Variants in ADGRG5 observed in about 807,000 individuals in gnomAD.
ADGRG5 encodes the protein adhesion G protein-coupled receptor G5.
In ADGRG5, 37 loss-of-function variants were observed where a neutral mutation model predicts 53.2. That is an observed-to-expected ratio of 0.70 (90% CI 0.53 to 0.91). ADGRG5 has a LOEUF of 0.91. Ranked by LOEUF, ADGRG5 falls within the 40% of genes least tolerant of loss-of-function variation. The probability of loss-of-function intolerance (pLI) is 0.00; values close to 1 mark genes in which losing one functional copy is unlikely to be tolerated. For missense variants in ADGRG5, 614 were observed against 675.8 expected, an observed-to-expected ratio of 0.91 and a Z score of 1.01; for synonymous variants, 277 against 290.4, an observed-to-expected ratio of 0.95 and a Z score of 0.47.
chr16:57,567,529 C>A lies in ADGRG5; in HGVS notation c.759C>A (p.Leu253=), dbSNP rs200800828. The change falls in exon 8 of 12, where the codon CTC becomes CTA. Residue 253 remains leucine, a synonymous_variant. Coordinates refer to ENST00000349457, the MANE Select transcript of ADGRG5 (RefSeq NM_001304376.3). ...TGGCACCTCTTACGTACATCTCCCT[C>A]GTGGGCTGCAGCATCTCCATCGTGG... ...ELLAPLTYIS[L]VGCSISIVAS... is the part of the protein sequence containing the mutation. 2 of 1,611,836 alleles carry A rather than the reference C, an allele frequency of 1.2e-6. No homozygotes were observed. Among genetic ancestry groups the A allele is most frequent in the South Asian group, 2.2e-5 (2 of 91,086 alleles).
chr16:57,553,852 C>T (rs2032809936), intron 1 of ADGRG5, among the ~76,000 whole-genome samples: 1 of 151,982 alleles, frequency 6.6e-6, no homozygotes, highest in Non-Finnish European at 1.5e-5. Context: ...AAGCATTTTC[C>T]CTTCTATTTT....
chr16:57,558,833 T>TA (rs2032937210), intron 1 of ADGRG5, among the ~76,000 whole-genome samples: 1 of 149,610 alleles, frequency 6.7e-6, no homozygotes, highest in Non-Finnish European at 1.5e-5. Flanking sequence ...CAGTGTCCAG[T>TA]GGCTTTTTTT....
chr16:57,541,804 G>T (rs149100400), upstream of ADGRG5, among the ~76,000 whole-genome samples: 1 of 152,328 alleles, frequency 6.6e-6, no homozygotes, highest in Non-Finnish European at 1.5e-5. Flanking sequence ...ACACCTCCTT[G>T]CTTTCCCTTA....
intron 11 of ADGRG5, 93 bp from the exon 12 acceptor site, chr16:57,575,345 G>A (rs2033486412): frequency 8.2e-7 from 1 of 1,223,366 alleles, no homozygotes; most frequent in Non-Finnish European, 1.2e-6. Flanking sequence ...GTTGCCCATG[G>A]GCCCCAGGGA....
intron 1 of ADGRG5, among the ~76,000 whole-genome samples, chr16:57,551,010 G>A (rs1484565848): frequency 4.6e-5 from 7 of 152,136 alleles, no homozygotes; most frequent in African/African-American, 1.7e-4. Context: ...TTCCAGCCTG[G>A]GCAACAGAGC....
At chr16:57,553,822 G>A (rs1407974080) in intron 1 of ADGRG5, among the ~76,000 whole-genome samples, 5 of 152,216 alleles carry the variant, frequency 3.3e-5, no homozygotes, top group African/African-American at 1.2e-4. Flanking sequence ...AGTAATATTA[G>A]CCTCCTAAAA....
chr16:57,573,270 A>G (rs1044081589), intron 10 of ADGRG5, among the ~76,000 whole-genome samples: 2 of 151,956 alleles, frequency 1.3e-5, no homozygotes, highest in African/African-American at 4.8e-5. Context: ...TGTCTTTACT[A>G]AAAATACACA....
intron 6 of ADGRG5, chr16:57,565,571 A>C: frequency 1.2e-5 from 3 of 250,814 alleles, no homozygotes; most frequent in East Asian, 7.4e-5. Context: ...CCCTCTTCCC[A>C]TCAGGCTCTT....
Position 57,566,755 on chromosome 16 carries a change from T to G in ADGRG5, c.699+4T>G. 2 of 1,509,638 alleles carry G rather than the reference T, an allele frequency of 1.3e-6. No homozygotes were observed. Among genetic ancestry groups the G allele is most frequent in the Non-Finnish European group, 1.8e-6 (2 of 1,128,244 alleles). 93.5% of individuals were successfully genotyped at this position (1,509,638 alleles called of 1,614,324 possible). A position where few individuals can be genotyped will look rare whatever the true frequency, so the allele number is the denominator to read the frequency against. Reference sequence around the variant, plus strand: ...CACCTACTTTGCTGTTCTCATGGTATGTATGCATCCTGAGTGGGGCTCAGA... The same window carrying G: ...CACCTACTTTGCTGTTCTCATGGTAGGTATGCATCCTGAGTGGGGCTCAGA... On this transcript the variant is annotated splice_donor_region_variant and intron_variant, in intron 7 of 11. Coordinates refer to ENST00000349457, the MANE Select transcript of ADGRG5 (RefSeq NM_001304376.3).
chr16:57,572,618 G>A (rs796130785), intron 10 of ADGRG5, among the ~76,000 whole-genome samples: 2 of 152,236 alleles, frequency 1.3e-5, no homozygotes, highest in East Asian at 3.9e-4. Flanking sequence ...CTTGAACCCG[G>A]GAGGTGGAGA....
chr16:57,561,922 G>C (rs2033010794), intron 1 of ADGRG5, 134 bp from the exon 2 acceptor site: 1 of 481,830 alleles, frequency 2.1e-6, no homozygotes, highest in Non-Finnish European at 3.6e-6. Context: ...TTCATCCTCA[G>C]CTTCCTCATC....
rs1191794582 is a variant in ADGRG5, at chr16:57,574,948, C to T, written c.1342C>T (p.Pro448Ser). 4 of 1,613,624 alleles carry T rather than the reference C, an allele frequency of 2.5e-6. No individual in the cohort carries two copies. Among genetic ancestry groups the T allele is most frequent in the Non-Finnish European group, 3.4e-6 (4 of 1,180,016 alleles). ...LRRLRERADA[P>S]SVRACHDTVT... ...CAGGCTGCGGGAGCGGGCGGATGCACCAAGTGTCAGGGCCTGCCATGACAC... is the reference window on the plus strand; with the variant it reads ...CAGGCTGCGGGAGCGGGCGGATGCATCAAGTGTCAGGGCCTGCCATGACAC... Residue 448 changes from proline to serine, a missense_variant, in exon 11 of 12, where the codon CCA becomes TCA. Coordinates refer to ENST00000349457, the MANE Select transcript of ADGRG5 (RefSeq NM_001304376.3). This position sits in a 1 kb window ranked among gnomAD's most constrained non-coding sequence, Gnocchi z 4.4.
At chr16:57,562,552 G>T in intron 3 of ADGRG5, 93 bp downstream of exon 3, 1 of 830,282 alleles carries the variant, frequency 1.2e-6, no homozygotes. Context: ...CATTTCTTCA[G>T]CACTTTTATT....
chr16:57,548,717 G>A (rs1293030221), intron 1 of ADGRG5, among the ~76,000 whole-genome samples: 2 of 101,194 alleles, frequency 2.0e-5, no homozygotes, highest in African/African-American at 8.4e-5. Context: ...TTTTGAGATT[G>A]GCTTTTTTTT....
chr16:57,547,851 G>A (rs2032656058), intron 1 of ADGRG5, among the ~76,000 whole-genome samples: 1 of 152,182 alleles, frequency 6.6e-6, no homozygotes, highest in African/African-American at 2.4e-5. Context: ...CTGGACTCAA[G>A]CAGTCCTCTT....
chr16:57,536,173 C>T, the ADGRG5 span, among the ~76,000 whole-genome samples: 2 of 152,130 alleles, frequency 1.3e-5, no homozygotes, highest in Admixed American at 6.5e-5. Flanking sequence ...CACGTTGGGT[C>T]CCCCGGGAGA....
the ADGRG5 span, among the ~76,000 whole-genome samples, chr16:57,530,858 G>A: frequency 6.6e-6 from 1 of 151,886 alleles, no homozygotes; most frequent in Admixed American, 6.6e-5. Context: ...CCTGCTTGGC[G>A]CTCTGTCACC....
At chr16:57,540,240 TCAGA>T (rs2032471185), upstream of ADGRG5, among the ~76,000 whole-genome samples, 1 of 152,138 alleles carries the variant, frequency 6.6e-6, no homozygotes, top group Non-Finnish European at 1.5e-5. Flanking sequence ...AGGCTCTGTC[TCAGA>T]CAAACAAACA....
In ADGRG5 at chr16:57,562,389, TG is replaced by T; in HGVS notation, c.73del (p.Glu25LysfsTer4). On this transcript the variant is annotated frameshift_variant, in exon 3 of 12. Coordinates refer to ENST00000349457, the MANE Select transcript of ADGRG5 (RefSeq NM_001304376.3). LOFTEE classifies it high-confidence loss of function. ...GGGGAGGTGTGTCCCCACAGAGACA[TG>T]GGAAGAACTCCTGAGCTACATGGAG... ...LTLQNATTET[W>X]EELLSYMENM... 6.2e-7 allele frequency: 1 copy of T among 1,605,814 alleles called. No individual in the cohort carries two copies. Among genetic ancestry groups the T allele is most frequent in the South Asian group, 1.1e-5 (1 of 89,440 alleles).
Sources: gnomAD v4.1 joint callset for allele counts (sites outside exome capture counted in the v4.1 genomes callset) on GRCh38, gnomAD v4.1.1 for gene constraint, Gnocchi (gnomAD v3.1) non-coding constraint, MANE v1.5 for transcripts, NCBI Gene and HGNC (gene_info 2026-07-23, HGNC 2026-07-21) for gene names.